The following DMD variants were observed in gnomAD, a reference collection of about 807,000 sequenced individuals.
DMD encodes the protein mutant dystrophin.
Under a neutral mutation model 330.1 loss-of-function variants are expected in DMD, and 63 were observed. That is an observed-to-expected ratio of 0.19 (90% confidence interval 0.16 to 0.24). DMD has a LOEUF of 0.24. Among genes scored for constraint, DMD ranks in the 10% least tolerant of loss-of-function variants. The pLI is 1.00. For missense variants in DMD, 3,344 were observed against 2,684.1 expected, an observed-to-expected ratio of 1.25 and a Z score of -5.43; for synonymous variants, 1,223 against 959.8, an observed-to-expected ratio of 1.27 and a Z score of -5.07.
At chrX:32,649,513 G>A (rs1348259870) in intron 9 of DMD, among the ~76,000 whole-genome samples, 1 of 96,039 alleles carries the variant, frequency 1.0e-5, no homozygotes, top group Non-Finnish European at 2.0e-5. Context: ...CCGAGAAAGC[G>A]CCACTGCACT....
chrX:32,065,428 CAA>C (rs748070160), intron 44 of DMD, among the ~76,000 whole-genome samples: 170 of 111,847 alleles, frequency 1.5e-3, no homozygotes, highest in African/African-American at 5.1e-3. Context: ...GTCTACAAAA[CAA>C]GTTTGCTCTC....
chrX:32,471,084 A>G (rs1603634270), intron 22 of DMD, among the ~76,000 whole-genome samples: 1 of 110,839 alleles, frequency 9.0e-6, no homozygotes, highest in Admixed American at 9.7e-5. Flanking sequence ...TGAGACCAGC[A>G]TGGCCAAGAT....
intron 18 of DMD, among the ~76,000 whole-genome samples, chrX:32,505,728 T>A (rs1194903705): frequency 1.8e-5 from 2 of 112,113 alleles, no homozygotes; most frequent in African/African-American, 6.5e-5. Flanking sequence ...TTTGTTTGTA[T>A]TTGCCAAGAC....
intron 74 of DMD, among the ~76,000 whole-genome samples, chrX:31,150,835 TTTTC>T (rs1302106978): frequency 8.9e-6 from 1 of 112,226 alleles, no homozygotes; most frequent in African/African-American, 3.2e-5. Context: ...ACTCTGGTTT[TTTTC>T]TTTGTTTTGT....
intron 44 of DMD, chrX:32,205,874 C>T: frequency 3.2e-6 from 1 of 308,764 alleles, no homozygotes; most frequent in Non-Finnish European, 5.9e-6. Context: ...TCTCTCCCAC[C>T]TAAGTGCGTC....
At chrX:32,077,296 A>C (rs2096360148) in intron 44 of DMD, among the ~76,000 whole-genome samples, 1 of 110,819 alleles carries the variant, frequency 9.0e-6, no homozygotes, top group Non-Finnish European at 1.9e-5. Flanking sequence ...TTTTCTACTG[A>C]AGTATATTAT....
chrX:32,433,155 G>A (rs1248724458), intron 29 of DMD, among the ~76,000 whole-genome samples: 2 of 112,020 alleles, frequency 1.8e-5, no homozygotes, highest in East Asian at 2.8e-4. Flanking sequence ...TACTTTTAAG[G>A]CCATGTTTTA....
intron 63 of DMD, among the ~76,000 whole-genome samples, chrX:31,241,098 T>C (rs201287512): frequency 9.1e-4 from 6 of 6,570 alleles, no homozygotes; most frequent in Non-Finnish European, 2.4e-3. Flanking sequence ...TCTCTGCCCC[T>C]GTACTTCTTG....
At chrX:31,172,109 G>A (rs1482598861) in intron 73 of DMD, among the ~76,000 whole-genome samples, 1 of 111,748 alleles carries the variant, frequency 8.9e-6, no homozygotes, top group African/African-American at 3.2e-5. Flanking sequence ...TATGAAATAA[G>A]TTCAAATAAG....
At chrX:31,590,294 C>T (rs931671612) in intron 55 of DMD, among the ~76,000 whole-genome samples, 1 of 111,091 alleles carries the variant, frequency 9.0e-6, no homozygotes, top group Non-Finnish European at 1.9e-5. Flanking sequence ...TCTGATTGCT[C>T]ATTCGTAGTT....
chrX:31,228,274 AT>A (rs1408663654), intron 63 of DMD, among the ~76,000 whole-genome samples: 750 of 65,858 alleles, frequency 0.011, 6 homozygotes, highest in African/African-American at 0.069. Context: ...AAATAAAAAA[AT>A]AAAAAAAAAA....
chrX:31,602,771 C>T (rs2077430824), intron 55 of DMD, among the ~76,000 whole-genome samples: 2 of 111,468 alleles, frequency 1.8e-5, no homozygotes, highest in South Asian at 7.5e-4. Context: ...TATGAAATTC[C>T]GTCATCGTCA....
chrX:32,085,505 A>G (rs2096425286), intron 44 of DMD, among the ~76,000 whole-genome samples: 1 of 107,524 alleles, frequency 9.3e-6, no homozygotes, highest in Non-Finnish European at 1.9e-5. Flanking sequence ...ACATGTTTAT[A>G]CATTATTTGT....
At chrX:31,595,004 T>C (rs2077048860) in intron 55 of DMD, among the ~76,000 whole-genome samples, 1 of 111,822 alleles carries the variant, frequency 8.9e-6, no homozygotes, top group Non-Finnish European at 1.9e-5. Flanking sequence ...TTGTACTTTA[T>C]AATAGCTTAC....
At position 31,627,734 on chromosome X, in the gene DMD, G is replaced by A; in HGVS notation, c.8156C>T (p.Thr2719Ile). 3 of 1,210,848 alleles carry A rather than the reference G, an allele frequency of 2.5e-6. No homozygotes were observed. The highest frequency in any genetic ancestry group is 2.2e-6 in the Non-Finnish European group (2 of 895,167). Residue 2719 changes from threonine to isoleucine, a missense_variant, in exon 55 of 79, where the codon ACC (threonine) becomes ATC (isoleucine). Physicochemically the swap from Thr to Ile is moderately conservative, Grantham distance 89. Coordinates refer to ENST00000357033, the MANE Select transcript of DMD (RefSeq NM_004006.3). ...ETTANVLQDA[T>I]RKERLLEDSK... ...GTCTTCTAGGAGCCTTTCCTTACGG[G>A]TAGCATCCTGTAGGACATTGGCAGT...
chrX:32,977,160 C>G (rs1013468979), intron 2 of DMD, among the ~76,000 whole-genome samples: 7 of 109,676 alleles, frequency 6.4e-5, no homozygotes, highest in African/African-American at 2.3e-4. Context: ...ATTAACCGGG[C>G]ATGGTGGCAC....
chrX:32,454,953 C>T (rs975072160), intron 25 of DMD, 121 bp from the exon 26 acceptor site: 1 of 808,694 alleles, frequency 1.2e-6, no homozygotes, highest in African/African-American at 2.1e-5. Flanking sequence ...AAGTAAAAAG[C>T]TTATATGCAT....
chrX:31,452,569 G>C (rs1023606103), intron 59 of DMD, among the ~76,000 whole-genome samples: 31 of 111,928 alleles, frequency 2.8e-4, no homozygotes, highest in African/African-American at 9.8e-4. Context: ...GGCAACAAGA[G>C]CAAAACTCTG....
At chrX:33,095,713 A>C (rs867268005) in intron 1 of DMD, among the ~76,000 whole-genome samples, 4 of 111,387 alleles carry the variant, frequency 3.6e-5, no homozygotes, top group Middle Eastern at 4.2e-3. Context: ...TTGTCTTCTT[A>C]TATTCAAAGG....
Sources: gnomAD v4.1 joint callset for allele counts (sites outside exome capture counted in the v4.1 genomes callset) on GRCh38, gnomAD v4.1.1 for gene constraint, MANE v1.5 for transcripts, NCBI Gene and HGNC (gene_info 2026-07-23, HGNC 2026-07-21) for gene names.